Variants in TKT observed in about 807,000 individuals in gnomAD.
TKT encodes the protein epididymis luminal protein 107.
In TKT, 47 loss-of-function variants were observed where a neutral mutation model predicts 63.9. That is an observed-to-expected ratio of 0.74 (90% CI 0.58 to 0.94). TKT has a LOEUF of 0.94. Ranked by LOEUF, TKT falls within the 40% of genes least tolerant of loss-of-function variation. The probability of loss-of-function intolerance (pLI) is 0.00; values close to 1 mark genes in which losing one functional copy is unlikely to be tolerated. For missense variants in TKT, 721 were observed against 846.2 expected (o/e 0.85, Z 1.84); for synonymous variants, 338 against 334.1 (o/e 1.01, Z -0.13).
intron 3 of TKT, 21 bp from the exon 4 acceptor site, chr3:53,240,369 C>T (rs781992981): frequency 2.7e-5 from 43 of 1,602,290 alleles, no homozygotes; most frequent in East Asian, 4.5e-5. Flanking sequence ...AGAAGGCCAC[C>T]GTTAATCTGA....
chr3:53,235,288 T>C, intron 4 of TKT, 114 bp from the exon 5 acceptor site: 1 of 969,624 alleles, frequency 1.0e-6, no homozygotes, highest in Non-Finnish European at 1.4e-6. Context: ...CACGCATGGA[T>C]ATGCAGAACA....
intron 3 of TKT, 39 bp from the exon 4 acceptor site, chr3:53,240,387 A>G (rs201488573): frequency 3.9e-4 from 624 of 1,587,104 alleles, no homozygotes; most frequent in Non-Finnish European, 5.1e-4. Flanking sequence ...TGAGAGGAGA[A>G]GGGATCCTGG....
intron 3 of TKT, 32 bp from the exon 4 acceptor site, chr3:53,240,380 G>T: frequency 6.3e-7 from 1 of 1,590,604 alleles, no homozygotes; most frequent in South Asian, 1.1e-5. Flanking sequence ...GTTAATCTGA[G>T]AGGAGAAGGG....
At chr3:53,247,631 C>T (rs1441079108) in intron 1 of TKT, among the ~76,000 whole-genome samples, 19 of 58,802 alleles carry the variant, frequency 3.2e-4, no homozygotes, top group African/African-American at 9.6e-4. Context: ...CAGACTCCAC[C>T]TCAAAAAAAA....
chr3:53,241,972 G>A (rs1705299182), intron 2 of TKT, 153 bp downstream of exon 2: 2 of 706,146 alleles, frequency 2.8e-6, no homozygotes, highest in Non-Finnish European at 2.5e-6. Context: ...GCACAGAGCA[G>A]GACACTGAGG....
intron 2 of TKT, chr3:53,241,799 A>G: frequency 2.9e-6 from 1 of 349,746 alleles, no homozygotes; most frequent in Admixed American, 3.7e-5. Context: ...CCAGACCGAG[A>G]TGCCAGTCCT....
At chr3:53,244,165 C>A (rs1467501061) in intron 1 of TKT, among the ~76,000 whole-genome samples, 1 of 152,224 alleles carries the variant, frequency 6.6e-6, no homozygotes, top group Non-Finnish European at 1.5e-5. Flanking sequence ...GCCTTTCATT[C>A]CTTCCAAAGG....
chr3:53,240,127 G>A (rs537031206), intron 4 of TKT, 124 bp downstream of exon 4: 18 of 834,048 alleles, frequency 2.2e-5, no homozygotes, highest in South Asian at 2.1e-4. Context: ...AAGAGGCCAC[G>A]CATATGTATT....
chr3:53,241,364 A>T, intron 2 of TKT, 119 bp from the exon 3 acceptor site: 1 of 802,634 alleles, frequency 1.2e-6, no homozygotes, highest in Non-Finnish European at 1.9e-6. Context: ...CATCCATTTC[A>T]GGGGAGGAAG....
At chr3:53,231,703 C>T in intron 6 of TKT, 153 bp from the exon 7 acceptor site, 1 of 742,900 alleles carries the variant, frequency 1.3e-6, no homozygotes, top group South Asian at 1.9e-5. Context: ...GGCACGGGGG[C>T]CAGGAAAGGA....
At chr3:53,250,845 G>A (rs2106730375) in intron 1 of TKT, among the ~76,000 whole-genome samples, 1 of 152,224 alleles carries the variant, frequency 6.6e-6, no homozygotes, top group East Asian at 1.9e-4. Flanking sequence ...GCAGAGCCAT[G>A]ATCATAACTC....
chr3:53,245,166 TGTG>T (rs1553680679), intron 1 of TKT, among the ~76,000 whole-genome samples: 1 of 151,314 alleles, frequency 6.6e-6, no homozygotes, highest in East Asian at 2.0e-4. Context: ...ATTAGCCAGG[TGTG>T]GTGGTGGACG....
At chr3:53,247,301 G>T (rs1705555393) in intron 1 of TKT, among the ~76,000 whole-genome samples, 1 of 145,462 alleles carries the variant, frequency 6.9e-6, no homozygotes, top group South Asian at 2.2e-4. Context: ...AGGTTGCAGT[G>T]AGCTGAGATC....
intron 1 of TKT, among the ~76,000 whole-genome samples, chr3:53,251,135 T>C (rs1231206737): frequency 5.3e-5 from 8 of 152,238 alleles, no homozygotes; most frequent in African/African-American, 1.7e-4. Flanking sequence ...TCATCTCCTG[T>C]GTCCACCAGC....
At chr3:53,255,140 C>G (rs1291460163) in intron 1 of TKT, among the ~76,000 whole-genome samples, 1 of 152,246 alleles carries the variant, frequency 6.6e-6, no homozygotes, top group African/African-American at 2.4e-5. Flanking sequence ...CGCCCTCCTC[C>G]CCTCTTCCCC....
chr3:53,254,764 G>T (rs1705908210), intron 1 of TKT, among the ~76,000 whole-genome samples: 1 of 152,332 alleles, frequency 6.6e-6, no homozygotes, highest in African/African-American at 2.4e-5. Context: ...AGCAGGCTCT[G>T]AAGTAATTCA....
chr3:53,240,414 A>C, intron 3 of TKT, 66 bp from the exon 4 acceptor site: 1 of 1,483,676 alleles, frequency 6.7e-7, no homozygotes, highest in Non-Finnish European at 9.2e-7. Flanking sequence ...CCGCCTAGGG[A>C]GCCACACTCC....
At chr3:53,254,844 C>T (rs781904587) in intron 1 of TKT, among the ~76,000 whole-genome samples, 13 of 152,228 alleles carry the variant, frequency 8.5e-5, no homozygotes, top group Non-Finnish European at 1.6e-4. Context: ...ATTAATTATC[C>T]CTGTCTCCGC....
At chr3:53,233,527 T>C in intron 5 of TKT, 1 of 385,424 alleles carries the variant, frequency 2.6e-6, no homozygotes, top group Non-Finnish European at 4.7e-6. Context: ...TCTTAAGTAA[T>C]CCAGAGCTCA....
Sources: allele counts gnomAD v4.1 joint callset (sites outside exome capture counted in the v4.1 genomes callset), GRCh38; gene constraint gnomAD v4.1.1; transcripts MANE v1.5; gene names NCBI Gene and HGNC (gene_info 2026-07-23, HGNC 2026-07-21).